The following RBFOX1 variants were observed in gnomAD, a reference collection of about 807,000 sequenced individuals.
RBFOX1 encodes RNA binding protein fox-1 homolog 1.
In RBFOX1, 8 loss-of-function variants were observed where a neutral mutation model predicts 57.7. The ratio of observed to expected loss-of-function variants is 0.14; its 90% CI spans 0.08 to 0.25. The LOEUF (loss-of-function observed/expected upper bound fraction) is 0.25, where lower values mean the gene tolerates loss of function less well. Ranked by LOEUF, RBFOX1 falls within the 10% of genes least tolerant of loss-of-function variation. The pLI is 1.00. For missense variants in RBFOX1, 611 were observed against 548.5 expected, an observed-to-expected ratio of 1.11 and a Z score of -1.14; for synonymous variants, 326 against 222.4, an observed-to-expected ratio of 1.47 and a Z score of -4.15.
intron 2 of RBFOX1, among the ~76,000 whole-genome samples, chr16:5,575,314 A>G (rs186874697): frequency 2.6e-5 from 4 of 152,252 alleles, no homozygotes; most frequent in African/African-American, 7.2e-5. Flanking sequence ...TTTCATTATC[A>G]TCATCATCTT....
At chr16:6,737,947 C>G (rs2070864947) in intron 3 of RBFOX1, among the ~76,000 whole-genome samples, 1 of 152,028 alleles carries the variant, frequency 6.6e-6, no homozygotes, top group African/African-American at 2.4e-5. Context: ...AGTAAACATT[C>G]CCAGCACAAT....
At position 6,083,931 on chromosome 16, in the gene RBFOX1, T is replaced by A. The variant is rs112267119; in HGVS notation, c.-127+63939T>A. 5.0e-3 allele frequency among the ~76,000 whole-genome samples: 754 copies of A among 152,254 alleles called. 5 individuals are homozygous for A. The highest frequency in any genetic ancestry group is 0.041 in the Middle Eastern group (12 of 294). On this transcript the variant is annotated intron_variant, in intron 1 of 15. Coordinates refer to ENST00000550418, the MANE Select transcript of RBFOX1 (RefSeq NM_018723.4). ...ATTTGGAGGATGGGTCAAGAAGAAG[T>A]CTCCCAAAGGAGCTTGGGGGAATTC...
rs537395777 is a variant in RBFOX1, at chr16:5,889,454, T to C, written c.351+22119T>C. On this transcript the variant is annotated intron_variant, in intron 4 of 19. Transcript: ENST00000641259. The stretch of plus-strand genomic sequence containing the variant: ...GTGTCTGTGTGCCACATTTTCTTTA[T>C]CCGTTCTATCATTGATGGGCATTTG... Among the ~76,000 whole-genome samples, 16 of 152,356 alleles carry C rather than the reference T, an allele frequency of 1.1e-4. No homozygotes were observed. The East Asian group carries it at 3.1e-3, about 29-fold the overall frequency.
chr16:6,799,095 C>T (rs146502311), intron 3 of RBFOX1, among the ~76,000 whole-genome samples: 13 of 151,944 alleles, frequency 8.6e-5, no homozygotes, highest in Admixed American at 1.3e-4. Flanking sequence ...AGATGGGGTA[C>T]GGTGACTAGC....
chr16:6,798,004 GGATGATGAT>G (rs368627689), intron 3 of RBFOX1, among the ~76,000 whole-genome samples: 1 of 151,782 alleles, frequency 6.6e-6, no homozygotes, highest in African/African-American at 2.4e-5. Flanking sequence ...ATGGGAATAG[GGATGATGAT>G]GATGATGATG....
chr16:6,914,616 C>A (rs7202388), intron 3 of RBFOX1, among the ~76,000 whole-genome samples: 82 of 152,116 alleles, frequency 5.4e-4, no homozygotes, highest in African/African-American at 1.7e-3. Context: ...GCTCACGCCT[C>A]TAATCGCAGC....
intron 3 of RBFOX1, among the ~76,000 whole-genome samples, chr16:6,827,094 A>C (rs2092247738): frequency 6.6e-6 from 1 of 152,176 alleles, no homozygotes; most frequent in Admixed American, 6.5e-5. Context: ...ATACTTACCG[A>C]GTCTCTTAGT....
chr16:5,420,151 C>T (rs2067273436), intron 1 of RBFOX1, among the ~76,000 whole-genome samples: 1 of 152,138 alleles, frequency 6.6e-6, no homozygotes, highest in Non-Finnish European at 1.5e-5. Flanking sequence ...TATACTGGGC[C>T]TGGTCTGACC....
At chr16:6,770,452 A>G (rs2078099765) in intron 3 of RBFOX1, among the ~76,000 whole-genome samples, 1 of 152,228 alleles carries the variant, frequency 6.6e-6, no homozygotes, top group South Asian at 2.1e-4. Flanking sequence ...ATGCAAGCAT[A>G]TATTTCTGCG....
intron 1 of RBFOX1, among the ~76,000 whole-genome samples, chr16:5,320,125 G>T (rs527966387): frequency 6.6e-6 from 1 of 152,202 alleles, no homozygotes; most frequent in South Asian, 2.1e-4. Context: ...TCCAATAGGT[G>T]TGCCATAGGT....
intron 1 of RBFOX1, among the ~76,000 whole-genome samples, chr16:6,148,275 C>A (rs1267006880): frequency 6.6e-6 from 1 of 152,178 alleles, no homozygotes; most frequent in African/African-American, 2.4e-5. Flanking sequence ...TGCAGTGAGC[C>A]AAGATAGCGC....
At chr16:6,679,755 G>A (rs1205097788) in intron 3 of RBFOX1, among the ~76,000 whole-genome samples, 2 of 151,990 alleles carry the variant, frequency 1.3e-5, no homozygotes, top group African/African-American at 4.8e-5. Flanking sequence ...TGTGGTATTT[G>A]TGCATGTAAC....
chr16:7,537,075 G>A (rs1418469881), intron 5 of RBFOX1, among the ~76,000 whole-genome samples: 2 of 152,194 alleles, frequency 1.3e-5, no homozygotes, highest in African/African-American at 4.8e-5. Flanking sequence ...AGGATTTTAA[G>A]CAGAAAGAAT....
rs1555514962 is a variant in RBFOX1 at position 5,425,065 on chromosome 16, T to TTATTTATTTATC, written c.220-42148_220-42147insTTATTTATCTAT. Among the ~76,000 whole-genome samples the TTATTTATTTATC allele has an allele frequency of 4.7e-3, 326 of 68,634 alleles. 3 individuals carry two copies. The highest frequency in any genetic ancestry group is 0.013 in the African/African-American group (282 of 21,212). The allele number at this position is 68,634 out of a possible 152,430, so 45.0% of individuals were successfully genotyped here. ...TCTCTCTCTCTCCTTCCTTCCTTTC[T>TTATTTATTTATC]TATCTATCTATCTATCTATCTATCT... On this transcript the variant is annotated intron_variant, in intron 1 of 2. Transcript: ENST00000585867.
intron 2 of RBFOX1, among the ~76,000 whole-genome samples, chr16:6,553,786 C>G (rs2097039190): frequency 6.6e-6 from 1 of 152,086 alleles, no homozygotes; most frequent in Admixed American, 6.5e-5. Flanking sequence ...GGACAGTTTC[C>G]TAAAGGGTAG....
At position 7,265,310 on chromosome 16, in the gene RBFOX1, C is replaced by T. The variant is rs1030099137; in HGVS notation, c.27+213212C>T. Among the ~76,000 whole-genome samples the T allele has an allele frequency of 4.7e-5, 7 of 147,760 alleles. No individual in the cohort carries two copies. The South Asian group carries it at 8.8e-4, about 19-fold the overall frequency. ...GTCTCGGTGGCTTATGGATGGTGGC[C>T]TTCTCCCTGTATCTTCCCTTGGCAG... On this transcript the variant is annotated intron_variant, in intron 4 of 15. Transcript: ENST00000550418.
At chr16:5,380,098 A>G (rs995551674) in intron 1 of RBFOX1, among the ~76,000 whole-genome samples, 1 of 152,126 alleles carries the variant, frequency 6.6e-6, no homozygotes, top group Non-Finnish European at 1.5e-5. Context: ...GTTAAGGACA[A>G]TTATTTATTT....
At chr16:6,235,453 G>A (rs2097498525) in intron 1 of RBFOX1, among the ~76,000 whole-genome samples, 1 of 152,008 alleles carries the variant, frequency 6.6e-6, no homozygotes, top group Admixed American at 6.6e-5. Flanking sequence ...ACTTGCACAT[G>A]CCTGTCTATA....
intron 4 of RBFOX1, among the ~76,000 whole-genome samples, chr16:5,975,261 T>G (rs2060038774): frequency 6.6e-6 from 1 of 152,244 alleles, no homozygotes; most frequent in Non-Finnish European, 1.5e-5. Flanking sequence ...ATCGCTATCC[T>G]GCACGGGATC....
Sources: allele counts gnomAD v4.1 joint callset (sites outside exome capture counted in the v4.1 genomes callset), GRCh38; gene constraint gnomAD v4.1.1; transcripts MANE v1.5; gene names NCBI Gene and HGNC (gene_info 2026-07-23, HGNC 2026-07-21).